Variants in PLRG1 observed in about 807,000 individuals in gnomAD.
The protein encoded by PLRG1 is pleiotropic regulator 1 (PRL1 homolog, Arabidopsis).
A neutral mutation model predicts 74.9 loss-of-function variants in PLRG1; 28 were observed. The observed-to-expected ratio is 0.37, with a 90% CI of 0.28 to 0.51. The LOEUF is 0.51. Among genes scored for constraint, PLRG1 ranks in the 20% least tolerant of loss-of-function variants. The pLI, the probability that PLRG1 is intolerant of heterozygous loss-of-function variation, is 0.91. For missense variants in PLRG1, 445 were observed against 631.9 expected (o/e 0.70, Z 3.17); for synonymous variants, 197 against 212.4 (o/e 0.93, Z 0.63).
Position 154,538,027 on chromosome 4 carries a change from A to C in PLRG1, c.1233T>G (p.Gly411=), listed in dbSNP as rs370618624. Residue 411 remains glycine (G), a synonymous_variant, in exon 13 of 15, where the codon GGT becomes GGG. Coordinates refer to ENST00000499023, the MANE Select transcript of PLRG1 (RefSeq NM_002669.4). ...PDGSFIQNLS[G]HNAIINTLTV... is the part of the protein sequence containing the mutation. ...TCAATGTGTTAATAATAGCATTATG[A>C]CCGGAAAGATTTTGAATGAAACTTC... The C allele has an allele frequency of 1.9e-6, 3 of 1,559,498 alleles. No homozygotes were observed. The highest frequency in any genetic ancestry group is 2.6e-6 in the Non-Finnish European group (3 of 1,141,044).
intron 3 of PLRG1, 145 bp downstream of exon 3, chr4:154,547,566 A>G (rs1315538648): frequency 1.3e-5 from 9 of 708,770 alleles, no homozygotes; most frequent in Non-Finnish European, 2.1e-5. Context: ...ATGAGGATCA[A>G]AACTTCCATT....
intron 8 of PLRG1, among the ~76,000 whole-genome samples, chr4:154,541,221 T>C (rs1216795517): frequency 6.6e-6 from 1 of 152,150 alleles, no homozygotes; most frequent in Non-Finnish European, 1.5e-5. Flanking sequence ...TTAAATTAAC[T>C]GAGGCTGGCA....
Position 154,550,385 on chromosome 4 carries a change from A to G in PLRG1, c.-77T>C. 7.0e-7 allele frequency: 1 copy of G among 1,428,144 alleles called. No homozygotes were observed. Among genetic ancestry groups the G allele is most frequent in the Non-Finnish European group, 9.9e-7 (1 of 1,011,974 alleles). The allele number at this position is 1,428,144 out of a possible 1,614,324, so 88.5% of individuals were successfully genotyped here. A position where few individuals can be genotyped will look rare whatever the true frequency, so the allele number is the denominator to read the frequency against. ...GCAGTACCCGCCGCCACAGCTGTGC[A>G]GCACCTTCCGGAATTGGGCGCCCAG... On this transcript the variant is annotated 5_prime_UTR_variant, in exon 1 of 15. Transcript: ENST00000499023.
At chr4:154,537,813 G>C (rs1729478545) in intron 13 of PLRG1, among the ~76,000 whole-genome samples, 156 bp downstream of exon 13, 1 of 152,104 alleles carries the variant, frequency 6.6e-6, no homozygotes, top group East Asian at 1.9e-4. Context: ...ATATGAATAT[G>C]CATGAACACA....
At chr4:154,548,411 C>T (rs1215231023) in intron 2 of PLRG1, among the ~76,000 whole-genome samples, 1 of 152,082 alleles carries the variant, frequency 6.6e-6, no homozygotes, top group East Asian at 1.9e-4. Flanking sequence ...ATAATGCATT[C>T]CCAGACTGGA....
At chr4:154,549,360 T>C (rs892693920) in intron 1 of PLRG1, among the ~76,000 whole-genome samples, 9 of 152,110 alleles carry the variant, frequency 5.9e-5, no homozygotes, top group Admixed American at 3.3e-4. Flanking sequence ...AAGGACTAAG[T>C]ATAATTGTGA....
chr4:154,543,021 A>G (rs7666918), intron 7 of PLRG1, among the ~76,000 whole-genome samples: 43,410 of 152,090 alleles, frequency 0.29, 6,459 homozygotes, highest in Middle Eastern at 0.38. Flanking sequence ...AGCACAATAG[A>G]GTGACTACAG....
chr4:154,537,241 T>C (rs1560805506), intron 14 of PLRG1, 45 bp downstream of exon 14: 1 of 1,245,354 alleles, frequency 8.0e-7, no homozygotes, highest in African/African-American at 1.5e-5. Context: ...TGCTGCCAAA[T>C]TGGTATAGCT....
intron 8 of PLRG1, chr4:154,541,915 C>A: frequency 2.6e-6 from 1 of 380,610 alleles, no homozygotes; most frequent in Middle Eastern, 7.8e-4. Context: ...TGAGCATGCT[C>A]TTAATTTTGT....
chr4:154,545,241 A>C (rs1729629563), intron 6 of PLRG1, among the ~76,000 whole-genome samples: 1 of 152,236 alleles, frequency 6.6e-6, no homozygotes, highest in African/African-American at 2.4e-5. Context: ...ACATTCATTC[A>C]CTTCATAAAG....
chr4:154,544,488 G>T lies in PLRG1; in HGVS notation c.551C>A (p.Thr184Lys), dbSNP rs1729612570. ...NSALMAKKAP[T>K]MPKPQWHPPW... ...TGGGTGCCACTGGGGTTTTGGCATT[G>T]TAGGGGCTTTTTTAGCCATCAGTGC... Residue 184 changes from threonine (T) to lysine (K), a missense_variant, in exon 7 of 15, where the codon ACA becomes AAA. This residue lies in a region of PLRG1 where 206 missense variants were observed against 210.8 expected (regional missense o/e 0.98). Coordinates refer to ENST00000499023, the MANE Select transcript of PLRG1 (RefSeq NM_002669.4). 1 of 1,612,820 alleles carries T rather than the reference G, an allele frequency of 6.2e-7. No homozygotes were observed.
At chr4:154,548,727 C>T (rs1729703083) in intron 2 of PLRG1, 102 bp downstream of exon 2, 3 of 652,318 alleles carry the variant, frequency 4.6e-6, no homozygotes, top group African/African-American at 1.8e-5. Flanking sequence ...AATAATTAGC[C>T]CATGACTAGC....
At chr4:154,548,686 T>C (rs1729702430) in intron 2 of PLRG1, 143 bp downstream of exon 2, 2 of 570,464 alleles carry the variant, frequency 3.5e-6, no homozygotes, top group African/African-American at 1.9e-5. Context: ...TTAAATCAGC[T>C]TAAATTATGC....
chr4:154,543,204 GTGGCGTGATCT>G (rs1011208348), intron 7 of PLRG1, among the ~76,000 whole-genome samples: 1 of 152,142 alleles, frequency 6.6e-6, no homozygotes, highest in African/African-American at 2.4e-5. Context: ...CTGGAGTGCA[GTGGCGTGATCT>G]TGGCTCACTG....
At chr4:154,540,289 T>C in intron 10 of PLRG1, 1 of 582,800 alleles carries the variant, frequency 1.7e-6, no homozygotes, top group East Asian at 2.8e-5. Flanking sequence ...TAAGAATGAG[T>C]ATGATGGGAC....
At position 154,547,924 on chromosome 4, in the gene PLRG1, C is replaced by T. The variant is rs1380179760; in HGVS notation, c.117-71G>A. 4 of 1,170,274 alleles carry T rather than the reference C, an allele frequency of 3.4e-6. No homozygotes were observed. The African/African-American group carries it at 6.3e-5, about 18-fold the overall frequency. 72.5% of individuals were successfully genotyped at this position (1,170,274 alleles called of 1,614,324 possible). On this transcript the variant is annotated intron_variant, in intron 2 of 14. Coordinates refer to ENST00000499023, the MANE Select transcript of PLRG1 (RefSeq NM_002669.4). ...AAACAAACACTTAGCTTAAGTTTGCCCATTCACGTAGAAAAAGTTTCTAGT... is the reference window on the plus strand; with the variant it reads ...AAACAAACACTTAGCTTAAGTTTGCTCATTCACGTAGAAAAAGTTTCTAGT...
In PLRG1 at chr4:154,546,153, G is replaced by A; in HGVS notation, c.374C>T (p.Ser125Phe). 1 of 1,605,018 alleles carries A rather than the reference G, an allele frequency of 6.2e-7. No homozygotes were observed. The highest frequency in any genetic ancestry group is 8.5e-7 in the Non-Finnish European group (1 of 1,171,890). The part of the protein sequence containing the change: ...QRMPSESAAQ[S>F]LAVALPLQTK... ...CTGCAAAGGTAATGCCACCGCTAAGGACTGTGCAGCTGATTCACTTGGCAT... is the reference window on the plus strand; with the variant it reads ...CTGCAAAGGTAATGCCACCGCTAAGAACTGTGCAGCTGATTCACTTGGCAT... The change falls in exon 5 of 15, where the codon TCC becomes TTC. Residue 125 changes from serine (S) to phenylalanine (F), a missense_variant. By Grantham distance (155) the Ser-to-Phe change is radical (BLOSUM62 -2). Around this residue, in one of 3 missense-constraint regions of PLRG1, gnomAD observed 206 missense variants for 210.8 expected, o/e 0.98. Transcript: ENST00000499023.
At chr4:154,549,126 A>C in intron 1 of PLRG1, 191 bp from the exon 2 acceptor site, 2 of 581,088 alleles carry the variant, frequency 3.4e-6, no homozygotes, top group Non-Finnish European at 6.4e-6. Context: ...CTAGAACCTC[A>C]GGTTTAGCAA....
intron 6 of PLRG1, among the ~76,000 whole-genome samples, chr4:154,544,820 C>T (rs1255927681): frequency 6.6e-6 from 1 of 152,184 alleles, no homozygotes; most frequent in Non-Finnish European, 1.5e-5. Context: ...CATGTAACCT[C>T]TATGTGGCTC....
Sources: allele counts gnomAD v4.1 joint callset (sites outside exome capture counted in the v4.1 genomes callset), GRCh38; gene constraint gnomAD v4.1.1; regional missense constraint gnomAD v4.1.1; transcripts MANE v1.5; gene names NCBI Gene and HGNC (gene_info 2026-07-23, HGNC 2026-07-21).